CTIF: variants seen among roughly 807,000 people sequenced by gnomAD.
The protein encoded by CTIF is cap binding complex dependent translation initiation factor.
In CTIF, 21 loss-of-function variants were observed where a neutral mutation model predicts 66.0. The observed-to-expected ratio is 0.32, with a 90% CI of 0.23 to 0.46. The LOEUF is 0.46. Ranked by LOEUF, CTIF falls within the 20% of genes least tolerant of loss-of-function variation. The probability of loss-of-function intolerance (pLI) is 1.00; values close to 1 mark genes in which losing one functional copy is unlikely to be tolerated. For synonymous variants in CTIF, 345 were observed against 326.4 expected, an observed-to-expected ratio of 1.06 and a Z score of -0.62; for missense variants, 739 against 812.7, an observed-to-expected ratio of 0.91 and a Z score of 1.10.
At chr18:48,789,844 A>C (rs2146122445) in intron 9 of CTIF, among the ~76,000 whole-genome samples, 1 of 152,372 alleles carries the variant, frequency 6.6e-6, no homozygotes, top group East Asian at 1.9e-4. Flanking sequence ...AAGACTAATA[A>C]GAGACCCCAT....
rs183815430 is a variant in CTIF at position 48,735,965 on chromosome 18, C to T, written c.585-21954C>T. 2.6e-4 allele frequency among the ~76,000 whole-genome samples: 40 copies of T among 152,242 alleles called. 1 individual carries two copies. In the East Asian group the frequency reaches 6.2e-3, roughly 24 times the overall value. On this transcript the variant is annotated intron_variant, in intron 7 of 11. Transcript: ENST00000256413. ...GGAAGCGGAGGAGTTGGAAAGGGCA[C>T]ACCCGGGTGGTCTGGTGGTTAGGAT...
At chr18:48,727,105 CGT>C (rs899130881) in intron 7 of CTIF, among the ~76,000 whole-genome samples, 11 of 150,504 alleles carry the variant, frequency 7.3e-5, no homozygotes, top group Non-Finnish European at 1.0e-4. Context: ...CACACACACA[CGT>C]AGCCAACATA....
At chr18:48,778,231 G>A (rs2146026111) in intron 9 of CTIF, among the ~76,000 whole-genome samples, 1 of 152,242 alleles carries the variant, frequency 6.6e-6, no homozygotes, top group South Asian at 2.1e-4. Flanking sequence ...AAGGAGCCAG[G>A]TAGAAAAATG....
intron 1 of CTIF, among the ~76,000 whole-genome samples, chr18:48,606,174 C>T (rs1474585916): frequency 6.6e-6 from 1 of 152,180 alleles, no homozygotes; most frequent in Non-Finnish European, 1.5e-5. Flanking sequence ...CTTTGCAGCT[C>T]AAAAGGACTG....
intron 1 of CTIF, 142 bp downstream of exon 1, chr18:48,539,454 C>A: frequency 6.6e-6 from 1 of 152,668 alleles, no homozygotes; most frequent in Non-Finnish European, 1.5e-5. Flanking sequence ...GCCCCCTTCC[C>A]CCCATCCCTG....
chr18:48,818,307 AG>A (rs2068412363), intron 10 of CTIF, among the ~76,000 whole-genome samples: 1 of 152,174 alleles, frequency 6.6e-6, no homozygotes, highest in South Asian at 2.1e-4. Flanking sequence ...TTTAGGCTCT[AG>A]TTGAATTTCT....
At chr18:48,716,584 C>T (rs1206277560) in intron 7 of CTIF, among the ~76,000 whole-genome samples, 1 of 152,098 alleles carries the variant, frequency 6.6e-6, no homozygotes, top group Non-Finnish European at 1.5e-5. Flanking sequence ...CACATGGCTC[C>T]CTAGAAACAG....
At chr18:48,588,025 C>T (rs1210920490) in intron 1 of CTIF, among the ~76,000 whole-genome samples, 2 of 152,218 alleles carry the variant, frequency 1.3e-5, no homozygotes, top group Non-Finnish European at 2.9e-5. Flanking sequence ...GCTCATCCCA[C>T]CTTTTCCTTC....
At chr18:48,574,166 G>A (rs1445285714) in intron 1 of CTIF, among the ~76,000 whole-genome samples, 1 of 152,232 alleles carries the variant, frequency 6.6e-6, no homozygotes, top group Non-Finnish European at 1.5e-5. Flanking sequence ...TGAAGAGGGA[G>A]GGTCTCTGTT....
Position 48,836,135 on chromosome 18 carries a change from C to T in CTIF, c.1527+18759C>T, listed in dbSNP as rs576018743. Among the ~76,000 whole-genome samples the T allele has an allele frequency of 2.1e-4, 32 of 152,144 alleles. 1 individual carries two copies. In the South Asian group the frequency reaches 6.4e-3, roughly 31 times the overall value. On this transcript the variant is annotated intron_variant, in intron 10 of 11. Coordinates refer to ENST00000256413, the MANE Select transcript of CTIF (RefSeq NM_014772.3). The stretch of plus-strand genomic sequence containing the variant: ...ACCCACCTCCAGGCCCCACCTCCCT[C>T]CTCCCCCAGCAGCTGCTTCTCTAAA...
chr18:48,804,974 C>A (rs2068115055), intron 9 of CTIF, among the ~76,000 whole-genome samples: 1 of 152,218 alleles, frequency 6.6e-6, no homozygotes, highest in Non-Finnish European at 1.5e-5. Context: ...CTGATGAGTT[C>A]TTTTTGTCCC....
At chr18:48,807,986 T>G (rs557292359) in intron 9 of CTIF, among the ~76,000 whole-genome samples, 1 of 152,288 alleles carries the variant, frequency 6.6e-6, no homozygotes, top group Non-Finnish European at 1.5e-5. Flanking sequence ...TAAGCTTATT[T>G]TTTCTAATAT....
At chr18:48,833,387 A>G (rs2068737261) in intron 10 of CTIF, among the ~76,000 whole-genome samples, 1 of 152,142 alleles carries the variant, frequency 6.6e-6, no homozygotes, top group African/African-American at 2.4e-5. Flanking sequence ...GATGCGGAGA[A>G]GTGGATGAGT....
chr18:48,754,275 G>T (rs919768949), intron 7 of CTIF, among the ~76,000 whole-genome samples: 1 of 152,240 alleles, frequency 6.6e-6, no homozygotes, highest in Admixed American at 6.5e-5. Context: ...GAGACAGATG[G>T]GAGGTGGCTG....
At chr18:48,718,261 C>T (rs2092300334) in intron 7 of CTIF, among the ~76,000 whole-genome samples, 1 of 152,134 alleles carries the variant, frequency 6.6e-6, no homozygotes, top group Admixed American at 6.5e-5. Context: ...CTGTGTATAC[C>T]TAGCTACAGT....
chr18:48,626,065 G>A (rs995628750), intron 2 of CTIF, among the ~76,000 whole-genome samples: 4 of 142,312 alleles, frequency 2.8e-5, no homozygotes, highest in Non-Finnish European at 4.5e-5. Context: ...GTAGTGGCGC[G>A]ATCTCAGCTC....
In CTIF at chr18:48,631,997, C is replaced by G. The variant is rs143910252; in HGVS notation, c.181-4617C>G. Among the ~76,000 whole-genome samples the G allele has an allele frequency of 3.3e-5, 5 of 152,246 alleles. No individual in the cohort carries two copies. In the East Asian group the frequency reaches 9.6e-4, roughly 29 times the overall value. ...GGACAGGTTCTGGGGAGGTCCATTT[C>G]TGGAGATTTTCTAGGCGGTGTCTCA... On this transcript the variant is annotated intron_variant, in intron 2 of 11. Coordinates refer to ENST00000256413, the MANE Select transcript of CTIF (RefSeq NM_014772.3).
At chr18:48,825,556 G>C (rs778110545) in intron 10 of CTIF, among the ~76,000 whole-genome samples, 14 of 152,242 alleles carry the variant, frequency 9.2e-5, no homozygotes, top group Non-Finnish European at 1.8e-4. Context: ...TGAAGCGGGT[G>C]TGGGTGGAGA....
chr18:48,783,225 G>A (rs759658292), intron 9 of CTIF, among the ~76,000 whole-genome samples: 19 of 152,146 alleles, frequency 1.2e-4, no homozygotes, highest in Non-Finnish European at 2.4e-4. Context: ...GGGGCTCCCA[G>A]GGGCCAGTCC....
Sources: allele counts gnomAD v4.1 joint callset (sites outside exome capture counted in the v4.1 genomes callset), GRCh38; gene constraint gnomAD v4.1.1; transcripts MANE v1.5; gene names NCBI Gene and HGNC (gene_info 2026-07-23, HGNC 2026-07-21).